The following INVS variants were observed in gnomAD, a reference collection of about 807,000 sequenced individuals.
The protein encoded by INVS is inversion of embryo turning homolog.
In INVS, 86 loss-of-function variants were observed where a neutral mutation model predicts 108.8. The observed-to-expected ratio is 0.79, with a 90% CI of 0.66 to 0.95. The LOEUF (loss-of-function observed/expected upper bound fraction) is 0.95, where lower values mean the gene tolerates loss of function less well. INVS is among the 40% of genes least tolerant of loss of function. The pLI, the probability that INVS is intolerant of heterozygous loss-of-function variation, is 0.00. For synonymous variants in INVS, 455 were observed against 473.5 expected (o/e 0.96, Z 0.51); for missense variants, 1,169 against 1,297.4 (o/e 0.90, Z 1.52).
At chr9:100,154,083 A>G (rs929097085) in intron 3 of INVS, among the ~76,000 whole-genome samples, 12 of 152,206 alleles carry the variant, frequency 7.9e-5, no homozygotes, top group African/African-American at 2.9e-4. Flanking sequence ...CATATGTGGT[A>G]AAAACAAGAA....
At chr9:100,149,535 T>C (rs1269627581) in intron 3 of INVS, among the ~76,000 whole-genome samples, 1 of 152,214 alleles carries the variant, frequency 6.6e-6, no homozygotes, top group Non-Finnish European at 1.5e-5. Context: ...CTTCCATATG[T>C]AGAAACTATC....
chr9:100,257,496 T>G (rs2118589021), intron 10 of INVS, among the ~76,000 whole-genome samples: 1 of 152,322 alleles, frequency 6.6e-6, no homozygotes, highest in South Asian at 2.1e-4. Context: ...CAGTTTCTTC[T>G]TAGCATCGAT....
intron 3 of INVS, among the ~76,000 whole-genome samples, chr9:100,185,422 A>C (rs1331261383): frequency 6.6e-6 from 1 of 150,784 alleles, no homozygotes; most frequent in Non-Finnish European, 1.5e-5. Flanking sequence ...TTTTTAACAC[A>C]AAAGATTAGT....
chr9:100,136,712 GATGGATCAAAGTC>G, intron 3 of INVS, among the ~76,000 whole-genome samples: 1 of 152,088 alleles, frequency 6.6e-6, no homozygotes, highest in Non-Finnish European at 1.5e-5. Context: ...ATGGATTATT[GATGGATCAAAGTC>G]GCTGGGGAGA....
At chr9:100,169,841 A>G (rs895767854) in intron 3 of INVS, among the ~76,000 whole-genome samples, 8 of 152,174 alleles carry the variant, frequency 5.3e-5, no homozygotes, top group African/African-American at 1.7e-4. Context: ...CCAGCTAACC[A>G]ATTTGAAATA....
intron 8 of INVS, among the ~76,000 whole-genome samples, chr9:100,251,630 C>G (rs1832240175): frequency 6.6e-6 from 1 of 152,128 alleles, no homozygotes; most frequent in East Asian, 1.9e-4. Context: ...CTATTGGGTT[C>G]AAGCAGTCCT....
In INVS at chr9:100,126,527, C is replaced by A; in HGVS notation, c.251C>A (p.Ala84Asp). 6.2e-7 allele frequency: 1 copy of A among 1,614,146 alleles called. No individual in the cohort carries two copies. Among genetic ancestry groups the A allele is most frequent in the South Asian group, 1.1e-5 (1 of 91,082 alleles). ...AAAACTGACCATAGCCAGAGAACAG[C>A]CCTCCATCTTGCAGCCCAGAAGGTG... ...VNKTDHSQRTALHLAAQKGNY... is the reference protein window; with the variant it reads ...VNKTDHSQRTDLHLAAQKGNY... Residue 84 changes from alanine (A) to aspartate (D), a missense_variant, in exon 3 of 17, where the codon GCC becomes GAC. Ala to Asp is a moderately radical substitution (Grantham distance 126). Coordinates refer to ENST00000262457, the MANE Select transcript of INVS (RefSeq NM_014425.5).
chr9:100,192,302 A>G (rs1042102220), intron 3 of INVS, among the ~76,000 whole-genome samples: 11 of 150,652 alleles, frequency 7.3e-5, no homozygotes, highest in African/African-American at 2.7e-4. Flanking sequence ...ATAATGCAGT[A>G]TGTATTCTTC....
intron 1 of INVS, among the ~76,000 whole-genome samples, chr9:100,100,670 A>G (rs1482613098): frequency 2.7e-5 from 1 of 37,572 alleles, no homozygotes; most frequent in African/African-American, 2.0e-4. Context: ...TATATTATAT[A>G]TGTACATATA....
chr9:100,298,707 T>C (rs769214924), intron 16 of INVS, among the ~76,000 whole-genome samples: 1 of 152,148 alleles, frequency 6.6e-6, no homozygotes, highest in Non-Finnish European at 1.5e-5. Flanking sequence ...TTAATATTCA[T>C]TTAGTTTTTT....
chr9:100,104,149 G>A (rs539606559), intron 1 of INVS, among the ~76,000 whole-genome samples: 3 of 152,184 alleles, frequency 2.0e-5, no homozygotes, highest in African/African-American at 7.2e-5. Flanking sequence ...TTACAGATGA[G>A]CAGATGAGCA....
At chr9:100,099,984 C>G (rs573054474) in intron 1 of INVS, among the ~76,000 whole-genome samples, 38 of 152,282 alleles carry the variant, frequency 2.5e-4, no homozygotes, top group South Asian at 2.5e-3. Flanking sequence ...TAAATGTCAC[C>G]ATCTCTGAGA....
At chr9:100,199,863 AT>A (rs1830487680) in intron 3 of INVS, among the ~76,000 whole-genome samples, 1 of 152,154 alleles carries the variant, frequency 6.6e-6, no homozygotes, top group African/African-American at 2.4e-5. Context: ...TTTTTACCAA[AT>A]TTAAATCATT....
intron 2 of INVS, among the ~76,000 whole-genome samples, chr9:100,111,844 C>T (rs927405715): frequency 1.3e-5 from 2 of 152,094 alleles, no homozygotes; most frequent in African/African-American, 2.4e-5. Flanking sequence ...AGTTACTGGC[C>T]AGGAAGCCCA....
intron 3 of INVS, chr9:100,130,723 C>T (rs572937430): frequency 6.6e-6 from 1 of 152,218 alleles, no homozygotes; most frequent in East Asian, 1.9e-4. Flanking sequence ...TAATCATGAA[C>T]ACTCATGTAT....
At chr9:100,228,197 A>G (rs904411959) in intron 4 of INVS, among the ~76,000 whole-genome samples, 1 of 151,536 alleles carries the variant, frequency 6.6e-6, no homozygotes, top group Non-Finnish European at 1.5e-5. Flanking sequence ...CACCATGTTG[A>G]CCAGGCTGGT....
intron 3 of INVS, among the ~76,000 whole-genome samples, chr9:100,181,617 G>A (rs1357759072): frequency 6.6e-6 from 1 of 152,042 alleles, no homozygotes; most frequent in African/African-American, 2.4e-5. Flanking sequence ...AATAAGAGAT[G>A]ACACAAACAA....
At chr9:100,274,738 C>T (rs1221400827) in intron 12 of INVS, among the ~76,000 whole-genome samples, 1 of 152,130 alleles carries the variant, frequency 6.6e-6, no homozygotes, top group African/African-American at 2.4e-5. Flanking sequence ...CTCCTGACCT[C>T]AAGTGATCTG....
At chr9:100,206,994 G>A (rs1830693698) in intron 3 of INVS, among the ~76,000 whole-genome samples, 1 of 152,124 alleles carries the variant, frequency 6.6e-6, no homozygotes, top group Non-Finnish European at 1.5e-5. Flanking sequence ...TCCTCTCAGT[G>A]CCTCATATCA....
Sources: allele counts gnomAD v4.1 joint callset (sites outside exome capture counted in the v4.1 genomes callset), GRCh38; gene constraint gnomAD v4.1.1; transcripts MANE v1.5; gene names NCBI Gene and HGNC (gene_info 2026-07-23, HGNC 2026-07-21).